The following CSMD1 variants were observed in gnomAD, a reference collection of about 807,000 sequenced individuals.
The protein encoded by CSMD1 is CUB and sushi domain-containing protein 1.
A neutral mutation model predicts 417.5 loss-of-function variants in CSMD1; 213 were observed. The ratio of observed to expected loss-of-function variants is 0.51; its 90% CI spans 0.46 to 0.57. The LOEUF is 0.57. CSMD1 is among the 20% of genes least tolerant of loss of function. The probability of loss-of-function intolerance (pLI) is 0.00; values close to 1 mark genes in which losing one functional copy is unlikely to be tolerated. For missense variants in CSMD1, 6,923 were observed against 4,529.7 expected (o/e 1.53, Z -15.17); for synonymous variants, 2,862 against 1,736.8 (o/e 1.65, Z -16.11).
At chr8:3,223,317 T>A (rs1798318614) in intron 28 of CSMD1, among the ~76,000 whole-genome samples, 1 of 152,192 alleles carries the variant, frequency 6.6e-6, no homozygotes, top group Non-Finnish European at 1.5e-5. Context: ...AATTTTATAA[T>A]GATATTAGCA....
chr8:3,252,472 T>C (rs969163455), intron 26 of CSMD1, among the ~76,000 whole-genome samples: 1 of 152,194 alleles, frequency 6.6e-6, no homozygotes, highest in African/African-American at 2.4e-5. Context: ...GCCAGTATTT[T>C]ATTGAGGATT....
chr8:3,917,868 C>T (rs1295000188), intron 5 of CSMD1, among the ~76,000 whole-genome samples: 1 of 151,808 alleles, frequency 6.6e-6, no homozygotes, highest in African/African-American at 2.4e-5. Context: ...AAATTTTAGG[C>T]CTTTAAAATT....
At chr8:4,298,956 A>G (rs1166151442) in intron 3 of CSMD1, among the ~76,000 whole-genome samples, 3 of 152,124 alleles carry the variant, frequency 2.0e-5, no homozygotes, top group Non-Finnish European at 4.4e-5. Flanking sequence ...TATATATGTC[A>G]TATATAATAG....
chr8:3,653,714 T>A (rs547257146), intron 7 of CSMD1, among the ~76,000 whole-genome samples: 2 of 152,296 alleles, frequency 1.3e-5, no homozygotes, highest in East Asian at 3.9e-4. Flanking sequence ...CTTTGAGGAA[T>A]GAGGACTCTA....
At chr8:3,557,043 G>A (rs1799187825) in intron 10 of CSMD1, among the ~76,000 whole-genome samples, 1 of 152,138 alleles carries the variant, frequency 6.6e-6, no homozygotes, top group African/African-American at 2.4e-5. Context: ...CAGGGTAATG[G>A]CACTGTCAAA....
intron 4 of CSMD1, among the ~76,000 whole-genome samples, chr8:4,020,825 G>T (rs371182143): frequency 7.2e-5 from 11 of 152,204 alleles, no homozygotes; most frequent in Non-Finnish European, 1.5e-4. Flanking sequence ...TTAATCAAGA[G>T]TTAGCTCACT....
chr8:3,268,341 G>T (rs1163767784), intron 26 of CSMD1, among the ~76,000 whole-genome samples: 1 of 127,380 alleles, frequency 7.9e-6, no homozygotes. Context: ...CTGTCACCCA[G>T]GCTGGAGCGT....
chr8:4,421,165 G>C (rs376568423), intron 2 of CSMD1, among the ~76,000 whole-genome samples: 3 of 152,252 alleles, frequency 2.0e-5, no homozygotes, highest in South Asian at 2.1e-4. Flanking sequence ...CATACCAGAA[G>C]ACACTGCTTT....
chr8:3,195,455 T>TCGGGTC (rs2129052558), intron 33 of CSMD1, among the ~76,000 whole-genome samples: 1 of 152,348 alleles, frequency 6.6e-6, no homozygotes, highest in Admixed American at 6.5e-5. Flanking sequence ...ATAGAATCAA[T>TCGGGTC]GGCCTCTTCT....
chr8:4,892,452 G>T (rs1284440630), intron 1 of CSMD1, among the ~76,000 whole-genome samples: 1 of 152,004 alleles, frequency 6.6e-6, no homozygotes, highest in Admixed American at 6.6e-5. Context: ...TAAAAAAATA[G>T]GTTCATGTCT....
Position 3,082,354 on chromosome 8 carries a change from T to A in CSMD1, c.7474+4743A>T, listed in dbSNP as rs146754181. On this transcript the variant is annotated intron_variant, in intron 49 of 69. Transcript: ENST00000635120. ...GCCACGTAAACTTGCAGCTGAGATT[T>A]CCTATGGGCTGCTCCTGCCAGCTTC... Among the ~76,000 whole-genome samples, 239 of 152,290 alleles carry A rather than the reference T, an allele frequency of 1.6e-3. 1 individual carries two copies. The highest frequency in any genetic ancestry group is 5.4e-3 in the African/African-American group (226 of 41,568).
intron 26 of CSMD1, among the ~76,000 whole-genome samples, chr8:3,250,517 A>G (rs1800183876): frequency 6.6e-6 from 1 of 152,218 alleles, no homozygotes; most frequent in African/African-American, 2.4e-5. Flanking sequence ...CGCAATAAAC[A>G]TACGTATGAA....
intron 3 of CSMD1, among the ~76,000 whole-genome samples, chr8:4,049,810 G>A (rs1435138011): frequency 6.6e-6 from 1 of 151,682 alleles, no homozygotes; most frequent in Non-Finnish European, 1.5e-5. Context: ...AGCTTTGTAT[G>A]GACATTTCTT....
intron 65 of CSMD1, among the ~76,000 whole-genome samples, chr8:2,952,790 C>T: frequency 6.6e-6 from 1 of 152,100 alleles, no homozygotes; most frequent in Admixed American, 6.6e-5. Flanking sequence ...AGGAATGGGC[C>T]AGGCCTGGCT....
chr8:4,237,502 T>C (rs1210565370), intron 3 of CSMD1, among the ~76,000 whole-genome samples: 1 of 151,836 alleles, frequency 6.6e-6, no homozygotes, highest in African/African-American at 2.4e-5. Context: ...GTCTTCACTC[T>C]TGAACATGAT....
At chr8:4,071,826 TG>T (rs1191014482) in intron 3 of CSMD1, among the ~76,000 whole-genome samples, 6 of 151,596 alleles carry the variant, frequency 4.0e-5, no homozygotes, top group Non-Finnish European at 8.8e-5. Flanking sequence ...CTTCCTGTTG[TG>T]GGGGGGTGGT....
intron 52 of CSMD1, among the ~76,000 whole-genome samples, chr8:3,010,119 G>A (rs544299274): frequency 3.3e-5 from 5 of 152,154 alleles, no homozygotes; most frequent in Admixed American, 6.5e-5. Context: ...CAAATCCACC[G>A]CAGGTGCGCA....
intron 2 of CSMD1, among the ~76,000 whole-genome samples, chr8:4,500,698 T>C (rs1013719106): frequency 2.0e-5 from 3 of 152,178 alleles, no homozygotes; most frequent in African/African-American, 4.8e-5. Flanking sequence ...GTGGAGGTTT[T>C]CCTCTTGCGA....
At chr8:3,193,051 C>G (rs1338844076) in intron 33 of CSMD1, among the ~76,000 whole-genome samples, 1 of 152,118 alleles carries the variant, frequency 6.6e-6, no homozygotes, top group Non-Finnish European at 1.5e-5. Context: ...AAAATACCTG[C>G]TATCGTGGCA....
Sources: allele counts gnomAD v4.1 joint callset (sites outside exome capture counted in the v4.1 genomes callset), GRCh38; gene constraint gnomAD v4.1.1; transcripts MANE v1.5; gene names NCBI Gene and HGNC (gene_info 2026-07-23, HGNC 2026-07-21).